Variants in RASEF observed in about 807,000 individuals in gnomAD.
RASEF encodes the protein ras and EF-hand domain-containing protein.
A neutral mutation model predicts 90.1 loss-of-function variants in RASEF; 68 were observed. The ratio of observed to expected loss-of-function variants is 0.75; its 90% confidence interval spans 0.62 to 0.92. RASEF has a LOEUF of 0.92. Ranked by LOEUF, RASEF falls within the 40% of genes least tolerant of loss-of-function variation. The pLI is 0.00. For missense variants in RASEF, 949 were observed against 937.2 expected (o/e 1.01, Z -0.16); for synonymous variants, 331 against 345.2 (o/e 0.96, Z 0.46).
intron 1 of RASEF, among the ~76,000 whole-genome samples, chr9:83,027,528 CT>C (rs1196073862): frequency 9.8e-5 from 15 of 152,308 alleles, no homozygotes; most frequent in African/African-American, 3.6e-4. Context: ...CAAAGACCAA[CT>C]ACATATTTCT....
the RASEF span, among the ~76,000 whole-genome samples, chr9:83,138,120 C>T: frequency 6.6e-6 from 1 of 151,842 alleles, no homozygotes; most frequent in African/African-American, 2.4e-5. Flanking sequence ...CGTTAATCTG[C>T]TTTTCCAAGC....
chr9:83,022,456 A>G (rs769859900), intron 2 of RASEF, 30 bp from the exon 3 acceptor site: 1 of 1,497,274 alleles, frequency 6.7e-7, no homozygotes, highest in Non-Finnish European at 9.3e-7. Flanking sequence ...ACACCTTTTC[A>G]TTATACTCTT....
At chr9:83,000,037 AT>A in intron 12 of RASEF, 131 bp downstream of exon 12, 2 of 689,850 alleles carry the variant, frequency 2.9e-6, no homozygotes, top group East Asian at 2.7e-5. Context: ...ACACACACAC[AT>A]TTATATATGT....
At chr9:83,158,944 T>C in the RASEF span, among the ~76,000 whole-genome samples, 6 of 151,890 alleles carry the variant, frequency 4.0e-5, no homozygotes, top group East Asian at 9.7e-4. Flanking sequence ...CCCAGCACTT[T>C]GGGAGGCCGA....
At chr9:83,063,150 C>G (rs1830248909), upstream of RASEF, 3 of 412,054 alleles carry the variant, frequency 7.3e-6, no homozygotes, top group South Asian at 1.2e-4. Context: ...ACTGAGCGCC[C>G]AAGCGCCGAG....
rs1829154474 is a variant in RASEF, at chr9:83,007,448, A to T, written c.1017T>A (p.Ile339=). The T allele has an allele frequency of 3.1e-6, 5 of 1,610,402 alleles. No individual in the cohort carries two copies. The highest frequency in any genetic ancestry group is 4.2e-6 in the Non-Finnish European group (5 of 1,176,624). Residue 339 remains isoleucine, a synonymous_variant, in exon 7 of 17, where the codon ATT becomes ATA. Coordinates refer to ENST00000376447, the MANE Select transcript of RASEF (RefSeq NM_152573.4). ...TEDRNSLERQ[I]EILQTANRKL... is the part of the protein sequence containing the mutation. ...ATCTGCGGACTTACTGGAGTATTTC[A>T]ATTTGCCTCTCAAGACTATTTCGAT...
intron 5 of RASEF, among the ~76,000 whole-genome samples, chr9:83,011,777 C>T (rs1829251666): frequency 6.6e-6 from 1 of 151,864 alleles, no homozygotes; most frequent in East Asian, 1.9e-4. Context: ...TATCCAAATA[C>T]AAAGCCTACT....
At chr9:83,089,795 A>T in the RASEF span, among the ~76,000 whole-genome samples, 1 of 152,094 alleles carries the variant, frequency 6.6e-6, no homozygotes, top group Non-Finnish European at 1.5e-5. Context: ...TTGTATGTGC[A>T]GATTAGTTTT....
chr9:83,141,457 A>G, the RASEF span, among the ~76,000 whole-genome samples: 1 of 152,216 alleles, frequency 6.6e-6, no homozygotes, highest in Non-Finnish European at 1.5e-5. Flanking sequence ...AACATACATG[A>G]AAAGGCGAGA....
intron 1 of RASEF, among the ~76,000 whole-genome samples, chr9:83,032,359 C>T (rs1222368773): frequency 6.6e-6 from 1 of 152,186 alleles, no homozygotes; most frequent in African/African-American, 2.4e-5. Flanking sequence ...CCCAGGGCCT[C>T]ATCTAAAGCA....
chr9:82,985,782 A>T (rs1828699700), intron 16 of RASEF, among the ~76,000 whole-genome samples: 1 of 152,202 alleles, frequency 6.6e-6, no homozygotes, highest in South Asian at 2.1e-4. Context: ...TGACCTTCAG[A>T]AGCCACTGGA....
chr9:83,048,138 A>C, intron 1 of RASEF: 1 of 985,378 alleles, frequency 1.0e-6, no homozygotes, highest in Non-Finnish European at 1.2e-6. Context: ...GGAGGCCTCC[A>C]CGTTTGTAAA....
intron 2 of RASEF, 83 bp downstream of exon 2, chr9:83,025,692 A>G (rs760095758): frequency 1.2e-5 from 16 of 1,364,904 alleles, no homozygotes; most frequent in Non-Finnish European, 1.5e-5. Flanking sequence ...TAGTGTGACA[A>G]TGCAGTTCAG....
intron 14 of RASEF, 95 bp from the exon 15 acceptor site, chr9:82,993,120 T>G (rs1828846009): frequency 1.5e-6 from 2 of 1,322,692 alleles, no homozygotes; most frequent in Non-Finnish European, 1.0e-6. Context: ...CATTTTCCCT[T>G]TGCCTCCTTT....
At chr9:83,040,441 A>G (rs1829818020) in intron 1 of RASEF, among the ~76,000 whole-genome samples, 1 of 152,258 alleles carries the variant, frequency 6.6e-6, no homozygotes, top group Non-Finnish European at 1.5e-5. Context: ...CGATCAACAA[A>G]GACAACATAT....
At chr9:83,135,498 A>AAAAT in the RASEF span, among the ~76,000 whole-genome samples, 6 of 152,192 alleles carry the variant, frequency 3.9e-5, no homozygotes, top group Non-Finnish European at 7.3e-5. Context: ...TATAATTTAA[A>AAAAT]AAATAAATAA....
the RASEF span, among the ~76,000 whole-genome samples, chr9:83,181,199 A>T: frequency 6.6e-5 from 10 of 150,974 alleles, no homozygotes; most frequent in East Asian, 1.6e-3. Flanking sequence ...AAAAAAAAAA[A>T]TTTGCTGGGA....
intron 15 of RASEF, among the ~76,000 whole-genome samples, chr9:82,992,090 G>T (rs1013762875): frequency 6.6e-6 from 1 of 152,204 alleles, no homozygotes; most frequent in South Asian, 2.1e-4. Flanking sequence ...AAACAAGAAC[G>T]ATTATTCCAG....
chr9:83,195,911 G>C, the RASEF span, among the ~76,000 whole-genome samples: 1 of 152,100 alleles, frequency 6.6e-6, no homozygotes, highest in African/African-American at 2.4e-5. Context: ...AGGAGTAGTG[G>C]GAAGTGGGAC....
Sources: allele counts gnomAD v4.1 joint callset (sites outside exome capture counted in the v4.1 genomes callset), GRCh38; gene constraint gnomAD v4.1.1; transcripts MANE v1.5; gene names NCBI Gene and HGNC (gene_info 2026-07-23, HGNC 2026-07-21).